MPHOSPH9: variants seen among roughly 807,000 people sequenced by gnomAD.
The protein encoded by MPHOSPH9 is M-phase phosphoprotein 9.
Under a neutral mutation model 145.5 loss-of-function variants are expected in MPHOSPH9, and 88 were observed. The observed-to-expected ratio is 0.60, with a 90% CI of 0.51 to 0.72. The LOEUF (loss-of-function observed/expected upper bound fraction) is 0.72. Ranked by LOEUF, MPHOSPH9 falls within the 30% of genes least tolerant of loss-of-function variation. The probability of loss-of-function intolerance (pLI) is 0.00; values close to 1 mark genes in which losing one functional copy is unlikely to be tolerated. For missense variants in MPHOSPH9, 1,238 were observed against 1,386.6 expected (o/e 0.89, Z 1.70); for synonymous variants, 435 against 486.2 (o/e 0.89, Z 1.39).
chr12:123,241,311 A>ATTTTT (rs1305219767), intron 1 of MPHOSPH9, among the ~76,000 whole-genome samples: 1 of 151,166 alleles, frequency 6.6e-6, no homozygotes, highest in East Asian at 2.0e-4. Context: ...TTTTTATTGT[A>ATTTTT]TTTTTTATTT....
At chr12:123,227,755 T>C (rs2047486245) in intron 2 of MPHOSPH9, 139 bp from the exon 3 acceptor site, 2 of 693,386 alleles carry the variant, frequency 2.9e-6, no homozygotes, top group Non-Finnish European at 4.2e-6. Flanking sequence ...GTTCAAAATC[T>C]GATCACAAGT....
At chr12:123,210,281 T>C in intron 7 of MPHOSPH9, 119 bp from the exon 8 acceptor site, 1 of 529,826 alleles carries the variant, frequency 1.9e-6, no homozygotes, top group Non-Finnish European at 3.2e-6. Context: ...TGGGTTAAAG[T>C]AATTTGAATT....
chr12:123,234,263 G>A (rs538746838), upstream of MPHOSPH9, among the ~76,000 whole-genome samples: 1 of 152,178 alleles, frequency 6.6e-6, no homozygotes, highest in African/African-American at 2.4e-5. Context: ...GACTTCCCTG[G>A]CACTATCACT....
At chr12:123,222,964 G>T (rs200405552) in intron 4 of MPHOSPH9, 74 bp downstream of exon 4, 2 of 555,048 alleles carry the variant, frequency 3.6e-6, no homozygotes, top group Non-Finnish European at 5.6e-6. Flanking sequence ...ATATATATAT[G>T]TGTGTGTGTG....
chr12:123,213,391 G>A (rs1224810351), intron 7 of MPHOSPH9, among the ~76,000 whole-genome samples: 2 of 151,982 alleles, frequency 1.3e-5, no homozygotes, highest in South Asian at 4.2e-4. Context: ...CCAGGCTGGA[G>A]TGCAGTGGTG....
chr12:123,203,287 T>G lies in MPHOSPH9; in HGVS notation c.1283A>C (p.Asn428Thr), dbSNP rs376569615. ...ATTTGGGTTGGAAGCAGAAGTGAGA[T>G]TCCTCTCAGGTAACTGCTTGTTTTC... ...QRENKQLPER[N>T]LTSASNPNHP... is the part of the protein sequence containing the mutation. The change falls in exon 9 of 24, where the codon AAT becomes ACT. Residue 428 changes from asparagine to threonine, a missense_variant. Around this residue, in one of 3 missense-constraint regions of MPHOSPH9, gnomAD observed 837 missense variants for 897.5 expected, o/e 0.93. Transcript: ENST00000606320. 5.6e-6 allele frequency: 9 copies of G among 1,613,576 alleles called. No individual in the cohort carries two copies. Among genetic ancestry groups the G allele is most frequent in the Middle Eastern group, 3.3e-4 (2 of 6,084 alleles).
chr12:123,240,779 G>C (rs960084985), intron 1 of MPHOSPH9: 8 of 140,526 alleles, frequency 5.7e-5, no homozygotes, highest in Non-Finnish European at 1.1e-4. Flanking sequence ...TGTACCCCAG[G>C]CTGGAGTGCA....
At chr12:123,160,090 C>T (rs1197343769) in intron 23 of MPHOSPH9, 6 of 152,178 alleles carry the variant, frequency 3.9e-5, no homozygotes, top group African/African-American at 1.4e-4. Flanking sequence ...AGGCTGGTCT[C>T]GAACTCCTGA....
chr12:123,203,114 C>T (rs770210283), intron 9 of MPHOSPH9, 30 bp from the exon 10 acceptor site: 1 of 1,596,578 alleles, frequency 6.3e-7, no homozygotes. Flanking sequence ...GAAGTCTTAC[C>T]CTCAGAACTC....
chr12:123,229,392 T>C (rs1405503510), intron 2 of MPHOSPH9, among the ~76,000 whole-genome samples: 2 of 152,150 alleles, frequency 1.3e-5, no homozygotes, highest in Non-Finnish European at 2.9e-5. Flanking sequence ...TTAAGACCAT[T>C]AAAAAATAAA....
chr12:123,196,987 G>C (rs2045975859), intron 12 of MPHOSPH9, among the ~76,000 whole-genome samples: 1 of 150,452 alleles, frequency 6.6e-6, no homozygotes, highest in Non-Finnish European at 1.5e-5. Flanking sequence ...GGTTGCCAGG[G>C]TGTGGAAGGA....
In MPHOSPH9 at chr12:123,224,732, T is replaced by C. The variant is rs114058888; in HGVS notation, c.259-1605A>G. Among the ~76,000 whole-genome samples the C allele has an allele frequency of 4.1e-3, 624 of 152,324 alleles. 5 individuals carry two copies. Among genetic ancestry groups the C allele is most frequent in the African/African-American group, 0.014 (601 of 41,564 alleles). On this transcript the variant is annotated intron_variant, in intron 3 of 23. Coordinates refer to ENST00000606320, the MANE Select transcript of MPHOSPH9 (RefSeq NM_022782.4). ...ATGAAGAATTGTCCTGTGTCCATTT[T>C]ATGTTATAAAACAATAAATATTTCG...
At chr12:123,200,727 C>T (rs993343579) in intron 11 of MPHOSPH9, among the ~76,000 whole-genome samples, 2 of 149,892 alleles carry the variant, frequency 1.3e-5, no homozygotes, top group Non-Finnish European at 3.0e-5. Context: ...GACACAATTT[C>T]GGCTCACTGT....
chr12:123,201,663 GCC>G (rs1371759124), intron 11 of MPHOSPH9, among the ~76,000 whole-genome samples: 1 of 152,118 alleles, frequency 6.6e-6, no homozygotes, highest in African/African-American at 2.4e-5. Flanking sequence ...ACAGACGTGA[GCC>G]ACCATGCCTG....
At chr12:123,172,326 C>T (rs1042946614) in intron 16 of MPHOSPH9, among the ~76,000 whole-genome samples, 3 of 148,636 alleles carry the variant, frequency 2.0e-5, no homozygotes, top group African/African-American at 7.3e-5. Context: ...GAATGTTATA[C>T]AATTTTCTTT....
intron 7 of MPHOSPH9, among the ~76,000 whole-genome samples, chr12:123,213,691 C>T (rs1259857813): frequency 1.3e-5 from 2 of 152,032 alleles, no homozygotes; most frequent in Admixed American, 6.6e-5. Context: ...AGGACATAAC[C>T]CCATTGTAAT....
At chr12:123,221,150 T>C (rs1173619987) in intron 5 of MPHOSPH9, among the ~76,000 whole-genome samples, 1 of 152,260 alleles carries the variant, frequency 6.6e-6, no homozygotes, top group Non-Finnish European at 1.5e-5. Flanking sequence ...TTTTCTATTT[T>C]CTGGCAAAGC....
rs147539988 is a variant in MPHOSPH9, at chr12:123,202,970, C to T, written c.1435G>A (p.Val479Ile). 533 of 1,614,030 alleles carry T rather than the reference C, an allele frequency of 3.3e-4. No homozygotes were observed. Among genetic ancestry groups the T allele is most frequent in the South Asian group, 5.8e-4 (53 of 91,090 alleles). Reference sequence around the variant, plus strand: ...GGACTAGACATACTAGGCTCTAGAACAGAGTCCGGGGAAAAGGATATTCTG... The same window carrying T: ...GGACTAGACATACTAGGCTCTAGAATAGAGTCCGGGGAAAAGGATATTCTG... ...DDRISFSPDS[V>I]LEPSMSSPSD... Residue 479 changes from valine (V) to isoleucine (I), a missense_variant, in exon 10 of 24, where the codon GTT becomes ATT. By Grantham distance (29) the Val-to-Ile change is conservative (BLOSUM62 3). Coordinates refer to ENST00000606320, the MANE Select transcript of MPHOSPH9 (RefSeq NM_022782.4).
chr12:123,243,370 A>G (rs2138761919), intron 1 of MPHOSPH9, among the ~76,000 whole-genome samples: 1 of 152,276 alleles, frequency 6.6e-6, no homozygotes, highest in South Asian at 2.1e-4. Flanking sequence ...CTCTACTAAA[A>G]ATACAAAAAA....
Sources: gnomAD v4.1 joint callset for allele counts (sites outside exome capture counted in the v4.1 genomes callset) on GRCh38, gnomAD v4.1.1 for gene constraint, gnomAD v4.1.1 regional missense constraint, MANE v1.5 for transcripts, NCBI Gene and HGNC (gene_info 2026-07-23, HGNC 2026-07-21) for gene names.